Variants in CNTNAP2 observed in about 807,000 individuals in gnomAD.
CNTNAP2 encodes the protein contactin-associated protein-like 2.
A neutral mutation model predicts 155.2 loss-of-function variants in CNTNAP2; 98 were observed. The ratio of observed to expected loss-of-function variants is 0.63; its 90% CI spans 0.54 to 0.75. CNTNAP2 has a LOEUF of 0.75. CNTNAP2 is among the 30% of genes least tolerant of loss of function. CNTNAP2 has a pLI of 0.00. For synonymous variants in CNTNAP2, 651 were observed against 631.2 expected, an observed-to-expected ratio of 1.03 and a Z score of -0.47; for missense variants, 1,727 against 1,688.1, an observed-to-expected ratio of 1.02 and a Z score of -0.40.
intron 13 of CNTNAP2, among the ~76,000 whole-genome samples, chr7:147,867,089 G>A (rs796993897): frequency 1.3e-5 from 2 of 152,170 alleles, no homozygotes; most frequent in Admixed American, 1.3e-4. Flanking sequence ...GATGATACCG[G>A]TTGTTTCTTT....
chr7:147,813,118 T>C (rs1798207717), intron 13 of CNTNAP2, among the ~76,000 whole-genome samples: 1 of 146,874 alleles, frequency 6.8e-6, no homozygotes, highest in South Asian at 2.1e-4. Flanking sequence ...ATTTCACTAT[T>C]TGAAAAAAAA....
intron 3 of CNTNAP2, among the ~76,000 whole-genome samples, chr7:146,922,075 C>T (rs1389289272): frequency 1.3e-5 from 2 of 151,890 alleles, no homozygotes; most frequent in South Asian, 2.1e-4. Context: ...CACATCAGAC[C>T]CACCCAGTAA....
intron 1 of CNTNAP2, among the ~76,000 whole-genome samples, chr7:146,137,730 C>T (rs953949657): frequency 6.6e-6 from 1 of 151,454 alleles, no homozygotes; most frequent in Non-Finnish European, 1.5e-5. Flanking sequence ...TAGTAATTTG[C>T]CAAGAGATAA....
At chr7:148,184,683 G>A (rs184462394) in intron 18 of CNTNAP2, among the ~76,000 whole-genome samples, 3 of 152,316 alleles carry the variant, frequency 2.0e-5, no homozygotes, top group Admixed American at 2.0e-4. Context: ...AAAGAAAGGG[G>A]AAATTTGTAC....
At chr7:147,971,013 G>T (rs532122279) in intron 14 of CNTNAP2, among the ~76,000 whole-genome samples, 1 of 152,280 alleles carries the variant, frequency 6.6e-6, no homozygotes, top group East Asian at 1.9e-4. Flanking sequence ...TCTAAGAAAG[G>T]TGTGTTTTCT....
chr7:147,607,119 G>C (rs1370067323), intron 12 of CNTNAP2, among the ~76,000 whole-genome samples: 1 of 152,084 alleles, frequency 6.6e-6, no homozygotes, highest in Non-Finnish European at 1.5e-5. Flanking sequence ...TGTTGCTAAG[G>C]CTCCTCACAA....
At chr7:148,352,812 G>A (rs994745588) in intron 21 of CNTNAP2, among the ~76,000 whole-genome samples, 1 of 152,206 alleles carries the variant, frequency 6.6e-6, no homozygotes, top group African/African-American at 2.4e-5. Flanking sequence ...CCGTGAGGGG[G>A]TATCCTTGAT....
intron 12 of CNTNAP2, among the ~76,000 whole-genome samples, chr7:147,609,062 G>T (rs1394758214): frequency 6.6e-6 from 1 of 152,158 alleles, no homozygotes; most frequent in Non-Finnish European, 1.5e-5. Context: ...CAGGTCACAG[G>T]TGATATGATG....
intron 1 of CNTNAP2, among the ~76,000 whole-genome samples, chr7:146,224,316 A>G (rs1420166730): frequency 6.6e-6 from 1 of 152,120 alleles, no homozygotes; most frequent in South Asian, 2.1e-4. Flanking sequence ...TACTCTTATA[A>G]GATGTTATAA....
chr7:147,689,708 G>T (rs1796062381), intron 13 of CNTNAP2, among the ~76,000 whole-genome samples: 1 of 152,058 alleles, frequency 6.6e-6, no homozygotes, highest in African/African-American at 2.4e-5. Context: ...GTATGATACA[G>T]ATAAATACCA....
intron 6 of CNTNAP2, among the ~76,000 whole-genome samples, chr7:147,127,387 T>A (rs569023627): frequency 6.6e-6 from 1 of 152,208 alleles, no homozygotes; most frequent in Non-Finnish European, 1.5e-5. Context: ...TTTGTTTTTT[T>A]TTTTACCATC....
chr7:147,420,668 AT>A (rs951285969), intron 10 of CNTNAP2, among the ~76,000 whole-genome samples: 15 of 152,290 alleles, frequency 9.8e-5, no homozygotes, highest in African/African-American at 2.9e-4. Context: ...AAATAAATAG[AT>A]TTTTTTAAAG....
At chr7:147,969,933 A>ATTTAT (rs1554455981) in intron 14 of CNTNAP2, among the ~76,000 whole-genome samples, 5 of 148,796 alleles carry the variant, frequency 3.4e-5, no homozygotes, top group African/African-American at 1.2e-4. Flanking sequence ...ATTTTATTTT[A>ATTTAT]TTTATTTTAT....
At chr7:146,940,438 C>T (rs1385665522) in intron 3 of CNTNAP2, among the ~76,000 whole-genome samples, 1 of 152,008 alleles carries the variant, frequency 6.6e-6, no homozygotes, top group Non-Finnish European at 1.5e-5. Flanking sequence ...CGTGATCTGC[C>T]TGCCTCAGCC....
chr7:146,398,245 T>G (rs946768673), intron 1 of CNTNAP2, among the ~76,000 whole-genome samples: 1 of 147,976 alleles, frequency 6.8e-6, no homozygotes, highest in Non-Finnish European at 1.5e-5. Context: ...CACTGCTAAT[T>G]TGTAAAGGAA....
intron 13 of CNTNAP2, among the ~76,000 whole-genome samples, chr7:147,784,089 A>G (rs1188808833): frequency 1.3e-5 from 2 of 151,950 alleles, no homozygotes; most frequent in African/African-American, 2.4e-5. Flanking sequence ...TTGTGTTCAC[A>G]TGGAATTCTC....
At chr7:147,350,747 T>A (rs1432036060) in intron 9 of CNTNAP2, among the ~76,000 whole-genome samples, 1 of 151,848 alleles carries the variant, frequency 6.6e-6, no homozygotes, top group Non-Finnish European at 1.5e-5. Flanking sequence ...AAAACACTTT[T>A]TATTGTTGCT....
intron 15 of CNTNAP2, among the ~76,000 whole-genome samples, chr7:148,082,296 T>C (rs532429609): frequency 6.6e-6 from 1 of 152,200 alleles, no homozygotes; most frequent in African/African-American, 2.4e-5. Context: ...TTGGCCCAGA[T>C]GACAAGGGCT....
intron 11 of CNTNAP2, among the ~76,000 whole-genome samples, chr7:147,525,738 C>T (rs535106584): frequency 1.3e-5 from 2 of 152,154 alleles, no homozygotes; most frequent in East Asian, 1.9e-4. Context: ...TAAATTCTCT[C>T]GGATCAAGTT....
Sources: gnomAD v4.1 joint callset for allele counts (sites outside exome capture counted in the v4.1 genomes callset) on GRCh38, gnomAD v4.1.1 for gene constraint, MANE v1.5 for transcripts, NCBI Gene and HGNC (gene_info 2026-07-23, HGNC 2026-07-21) for gene names.